Variants in GRM7 observed in about 807,000 individuals in gnomAD.
The protein encoded by GRM7 is glutamate metabotropic receptor 7.
In GRM7, 35 loss-of-function variants were observed where a neutral mutation model predicts 84.5. The observed-to-expected ratio is 0.41, with a 90% CI of 0.32 to 0.55. The LOEUF (loss-of-function observed/expected upper bound fraction) is 0.55. Ranked by LOEUF, GRM7 falls within the 20% of genes least tolerant of loss-of-function variation. The probability of loss-of-function intolerance (pLI) is 0.19; values close to 1 mark genes in which losing one functional copy is unlikely to be tolerated. For missense variants in GRM7, 1,003 were observed against 1,194.6 expected (o/e 0.84, Z 2.36); for synonymous variants, 487 against 455.1 (o/e 1.07, Z -0.89).
At chr3:7,501,613 GGACTT>G (rs1559365191) in intron 7 of GRM7, among the ~76,000 whole-genome samples, 1 of 152,090 alleles carries the variant, frequency 6.6e-6, no homozygotes, top group African/African-American at 2.4e-5. Flanking sequence ...TTCTAACACA[GGACTT>G]GACTTCTTAT....
intron 8 of GRM7, among the ~76,000 whole-genome samples, chr3:7,624,326 C>G (rs1000223542): frequency 3.9e-5 from 6 of 152,202 alleles, no homozygotes; most frequent in African/African-American, 1.4e-4. Context: ...GCCATGTGGA[C>G]ATCAGGGGTT....
intron 1 of GRM7, chr3:6,892,794 T>G (rs1360640769): frequency 1.3e-5 from 2 of 152,194 alleles, no homozygotes; most frequent in African/African-American, 2.4e-5. Context: ...TGTGAAAGAC[T>G]TCCCTCAATG....
intron 7 of GRM7, among the ~76,000 whole-genome samples, chr3:7,465,902 C>A (rs190772987): frequency 2.6e-5 from 4 of 152,022 alleles, no homozygotes; most frequent in Non-Finnish European, 5.9e-5. Flanking sequence ...GTGCTGTCTG[C>A]GGTAAAATGT....
intron 2 of GRM7, among the ~76,000 whole-genome samples, chr3:7,282,548 A>T (rs73130231): frequency 7.2e-4 from 110 of 152,264 alleles, no homozygotes; most frequent in African/African-American, 2.6e-3. Flanking sequence ...GTGATTAGCA[A>T]CCTTAATTTC....
At chr3:7,224,848 T>C (rs1696931277) in intron 2 of GRM7, among the ~76,000 whole-genome samples, 1 of 152,188 alleles carries the variant, frequency 6.6e-6, no homozygotes, top group Non-Finnish European at 1.5e-5. Flanking sequence ...TGCGTGCACC[T>C]AAGTCACTAC....
intron 2 of GRM7, among the ~76,000 whole-genome samples, chr3:7,274,100 T>G (rs1698965410): frequency 6.6e-6 from 1 of 151,970 alleles, no homozygotes; most frequent in South Asian, 2.1e-4. Flanking sequence ...TCCAAGTTGA[T>G]TTTCAAATAA....
In GRM7 at chr3:7,017,329, T is replaced by C. The variant is rs1175470713; in HGVS notation, c.520-129123T>C. 2.6e-5 allele frequency among the ~76,000 whole-genome samples: 4 copies of C among 152,176 alleles called. No homozygotes were observed. The East Asian group carries it at 7.7e-4, about 29-fold the overall frequency. ...ATTGTGCTTTTAATAATTAGACTAATAAGCAACTAAGCTGGGCCACAAAGA... is the reference window on the plus strand; with the variant it reads ...ATTGTGCTTTTAATAATTAGACTAACAAGCAACTAAGCTGGGCCACAAAGA... On this transcript the variant is annotated intron_variant, in intron 1 of 9. Transcript: ENST00000357716.
At chr3:7,031,490 C>T (rs1242781063) in intron 1 of GRM7, among the ~76,000 whole-genome samples, 2 of 151,810 alleles carry the variant, frequency 1.3e-5, no homozygotes, top group East Asian at 1.9e-4. Context: ...GATCTCGGCT[C>T]ACTGCAAGCT....
intron 2 of GRM7, among the ~76,000 whole-genome samples, chr3:7,229,790 A>T (rs1697128396): frequency 2.1e-5 from 2 of 93,102 alleles, no homozygotes; most frequent in African/African-American, 7.9e-5. Context: ...ACAGGTGTTG[A>T]GTGCTTTCAT....
intron 1 of GRM7, among the ~76,000 whole-genome samples, chr3:6,994,222 G>A (rs998988556): frequency 7.2e-5 from 11 of 152,156 alleles, no homozygotes; most frequent in African/African-American, 2.7e-4. Context: ...AAGGTTGTTG[G>A]ATTGTGCAAT....
At chr3:7,645,842 A>G (rs1575589363) in intron 8 of GRM7, among the ~76,000 whole-genome samples, 1 of 152,144 alleles carries the variant, frequency 6.6e-6, no homozygotes, top group African/African-American at 2.4e-5. Context: ...TTTCCTTTCC[A>G]TGTCCAAAGT....
intron 1 of GRM7, among the ~76,000 whole-genome samples, chr3:6,896,771 TC>T (rs1389189636): frequency 6.6e-6 from 1 of 152,178 alleles, no homozygotes; most frequent in Non-Finnish European, 1.5e-5. Flanking sequence ...AATGCCTATC[TC>T]CACTTGTTTT....
chr3:7,524,137 G>A (rs1144028), intron 7 of GRM7, among the ~76,000 whole-genome samples: 91,906 of 150,486 alleles, frequency 0.61, 29,051 homozygotes, highest in African/African-American at 0.79. Context: ...AGACTTAAAC[G>A]TTAGACCTAA....
intron 4 of GRM7, among the ~76,000 whole-genome samples, chr3:7,382,049 T>G (rs966521287): frequency 2.0e-5 from 3 of 152,014 alleles, no homozygotes; most frequent in African/African-American, 7.2e-5. Context: ...CTGTACCAGA[T>G]AAAAAAAACC....
intron 1 of GRM7, among the ~76,000 whole-genome samples, chr3:7,022,832 TC>T (rs1335822598): frequency 6.6e-6 from 1 of 151,986 alleles, no homozygotes; most frequent in African/African-American, 2.4e-5. Flanking sequence ...TGCTGAAAAA[TC>T]AACTGACAAA....
At chr3:7,650,247 G>C (rs931673729) in intron 8 of GRM7, among the ~76,000 whole-genome samples, 12 of 152,212 alleles carry the variant, frequency 7.9e-5, no homozygotes, top group Non-Finnish European at 1.8e-4. Context: ...TCTCAGGTAT[G>C]AATTCTGGCT....
At chr3:7,527,834 C>T (rs1369882589) in intron 7 of GRM7, among the ~76,000 whole-genome samples, 4 of 151,860 alleles carry the variant, frequency 2.6e-5, no homozygotes, top group African/African-American at 7.3e-5. Context: ...CATTTATTGA[C>T]TTGTGTATGT....
At chr3:6,920,996 A>G (rs78061452) in intron 1 of GRM7, among the ~76,000 whole-genome samples, 2,833 of 152,296 alleles carry the variant, frequency 0.019, 103 homozygotes, top group East Asian at 0.16. Flanking sequence ...TAATTTTAAA[A>G]TAGCAGCATT....
At chr3:7,563,449 A>C (rs575222184) in intron 7 of GRM7, among the ~76,000 whole-genome samples, 1 of 152,266 alleles carries the variant, frequency 6.6e-6, no homozygotes, top group South Asian at 2.1e-4. Context: ...TACTTTTCAA[A>C]GTGTAAGTAC....
Sources: allele counts gnomAD v4.1 joint callset (sites outside exome capture counted in the v4.1 genomes callset), GRCh38; gene constraint gnomAD v4.1.1; transcripts MANE v1.5; gene names NCBI Gene and HGNC (gene_info 2026-07-23, HGNC 2026-07-21).